Variants in FRMD5 observed in about 807,000 individuals in gnomAD.
FRMD5 encodes FERM domain containing 5, also known as FERM domain-containing protein 5.
Under a neutral mutation model 69.0 loss-of-function variants are expected in FRMD5, and 20 were observed. The observed-to-expected ratio is 0.29, with a 90% CI of 0.20 to 0.42. The LOEUF (loss-of-function observed/expected upper bound fraction) is 0.42, where lower values mean the gene tolerates loss of function less well. FRMD5 is among the 10% of genes least tolerant of loss of function. FRMD5 has a pLI of 1.00. For missense variants in FRMD5, 595 were observed against 708.6 expected (o/e 0.84, Z 1.82); for synonymous variants, 271 against 260.1 (o/e 1.04, Z -0.40).
intron 1 of FRMD5, among the ~76,000 whole-genome samples, chr15:44,089,700 G>A (rs968141184): frequency 9.2e-5 from 14 of 151,626 alleles, no homozygotes; most frequent in African/African-American, 3.2e-4. Context: ...CAGATCCTAC[G>A]TCAAAAAAAA....
intron 1 of FRMD5, among the ~76,000 whole-genome samples, chr15:44,009,916 T>C (rs1025185424): frequency 1.3e-5 from 2 of 152,226 alleles, no homozygotes; most frequent in African/African-American, 4.8e-5. Context: ...ATAAGAATTC[T>C]GCCCAGGAGT....
rs151131249 is a variant in FRMD5, at chr15:44,169,023, T to C, written c.102+25930A>G. Among the ~76,000 whole-genome samples, 599 of 152,342 alleles carry C rather than the reference T, an allele frequency of 3.9e-3. 5 individuals carry two copies. Among genetic ancestry groups the C allele is most frequent in the African/African-American group, 0.013 (560 of 41,580 alleles). The stretch of plus-strand genomic sequence containing the variant: ...GTTGCTCTATTTATTCTCTCCTGTG[T>C]TCACGTGCAATCATTGGTCACAGGC... On this transcript the variant is annotated intron_variant, in intron 1 of 13. Coordinates refer to ENST00000417257, the MANE Select transcript of FRMD5 (RefSeq NM_032892.5).
chr15:43,965,395 T>C (rs1452501792), intron 1 of FRMD5, among the ~76,000 whole-genome samples: 2 of 152,088 alleles, frequency 1.3e-5, no homozygotes, highest in Non-Finnish European at 2.9e-5. Flanking sequence ...TTACTGTATT[T>C]CTAGTTTATG....
At chr15:43,924,076 C>T (rs1449406241) in intron 2 of FRMD5, 129 bp downstream of exon 2, 5 of 740,264 alleles carry the variant, frequency 6.8e-6, no homozygotes, top group East Asian at 2.5e-5. Flanking sequence ...TCTGAAGAGA[C>T]GACATCCAAC....
intron 1 of FRMD5, among the ~76,000 whole-genome samples, chr15:44,066,608 G>C (rs781067227): frequency 3.3e-5 from 5 of 152,172 alleles, no homozygotes; most frequent in Non-Finnish European, 7.3e-5. Flanking sequence ...AACATGTTAT[G>C]AAGGGCTTTG....
intron 1 of FRMD5, among the ~76,000 whole-genome samples, chr15:44,114,188 T>A (rs1430006485): frequency 6.6e-6 from 1 of 152,172 alleles, no homozygotes; most frequent in Non-Finnish European, 1.5e-5. Context: ...ATGGAGTTTT[T>A]AGAAAGAAGG....
At chr15:44,168,243 T>C (rs902523126) in intron 1 of FRMD5, among the ~76,000 whole-genome samples, 2 of 152,180 alleles carry the variant, frequency 1.3e-5, no homozygotes, top group African/African-American at 2.4e-5. Flanking sequence ...TAAACACAAG[T>C]CTTGTGATCT....
intron 1 of FRMD5, among the ~76,000 whole-genome samples, chr15:44,057,678 AAAGG>A (rs1892928145): frequency 6.6e-6 from 1 of 152,196 alleles, no homozygotes; most frequent in East Asian, 1.9e-4. Flanking sequence ...ACAAAATCCA[AAAGG>A]AAGTAAAGAA....
In FRMD5 at chr15:43,873,568, AAAT is replaced by A. The variant is rs2088223289; in HGVS notation, c.*314_*316del. The A allele has an allele frequency of 2.1e-6, 3 of 1,403,870 alleles. No individual in the cohort carries two copies. Among genetic ancestry groups the A allele is most frequent in the East Asian group, 3.0e-5 (1 of 33,364 alleles). 87.0% of individuals were successfully genotyped at this position (1,403,870 alleles called of 1,614,324 possible). ...TAAATTATTTTTATTTGATACTTCA[AAAT>A]AATATACATCTATGAAAAATCAAAA... On this transcript the variant is annotated 3_prime_UTR_variant, in exon 14 of 14. Coordinates refer to ENST00000417257, the MANE Select transcript of FRMD5 (RefSeq NM_032892.5).
At chr15:43,990,344 A>G (rs752062727) in intron 1 of FRMD5, among the ~76,000 whole-genome samples, 1 of 152,176 alleles carries the variant, frequency 6.6e-6, no homozygotes, top group African/African-American at 2.4e-5. Flanking sequence ...GCTTTTTGCA[A>G]TAGTCTGGAA....
At chr15:44,148,564 C>A (rs1297647927) in intron 1 of FRMD5, among the ~76,000 whole-genome samples, 1 of 152,108 alleles carries the variant, frequency 6.6e-6, no homozygotes, top group African/African-American at 2.4e-5. Context: ...AGCCACCGTG[C>A]CCAACCTACA....
At chr15:44,018,949 G>A (rs1233879544) in intron 1 of FRMD5, among the ~76,000 whole-genome samples, 2 of 152,002 alleles carry the variant, frequency 1.3e-5, no homozygotes, top group Non-Finnish European at 2.9e-5. Flanking sequence ...AGGCTGGAGT[G>A]CAGTGGCTGA....
Position 43,917,400 on chromosome 15 carries a change from T to A in FRMD5, c.329+2059A>T, listed in dbSNP as rs564435389. Among the ~76,000 whole-genome samples, 283 of 151,788 alleles carry A rather than the reference T, an allele frequency of 1.9e-3. 1 individual carries two copies. Among genetic ancestry groups the A allele is most frequent in the South Asian group, 4.0e-3 (19 of 4,800 alleles). Reference sequence around the variant, plus strand: ...ATTTTAACAAAACTCTTGAAAAAAATTTTTTTTTGAGACAGAGTCTCACTG... The same window carrying A: ...ATTTTAACAAAACTCTTGAAAAAAAATTTTTTTTGAGACAGAGTCTCACTG... On this transcript the variant is annotated intron_variant, in intron 4 of 13. Transcript: ENST00000417257.
chr15:44,005,327 C>T (rs780902613), intron 1 of FRMD5, among the ~76,000 whole-genome samples: 1 of 151,834 alleles, frequency 6.6e-6, no homozygotes, highest in Non-Finnish European at 1.5e-5. Context: ...CAAAATCAGC[C>T]GGGCATGGTG....
At chr15:44,156,666 T>G (rs1453807024) in intron 1 of FRMD5, among the ~76,000 whole-genome samples, 1 of 152,194 alleles carries the variant, frequency 6.6e-6, no homozygotes, top group Non-Finnish European at 1.5e-5. Context: ...AGGCTTCTGT[T>G]GCTTATGAAC....
At chr15:43,937,579 A>G (rs1443707308) in intron 1 of FRMD5, among the ~76,000 whole-genome samples, 2 of 150,982 alleles carry the variant, frequency 1.3e-5, no homozygotes, top group Non-Finnish European at 2.9e-5. Flanking sequence ...CTGAGGTTGC[A>G]GTGAGCCAAG....
At chr15:44,081,767 C>T (rs77265666) in intron 1 of FRMD5, among the ~76,000 whole-genome samples, 2 of 151,992 alleles carry the variant, frequency 1.3e-5, no homozygotes, top group East Asian at 3.9e-4. Context: ...AAAAATCTAC[C>T]CATTTTGGCC....
At chr15:44,026,248 T>C (rs1891423549) in intron 1 of FRMD5, among the ~76,000 whole-genome samples, 1 of 152,256 alleles carries the variant, frequency 6.6e-6, no homozygotes. Context: ...CCCAAAGTGC[T>C]GGGATTGCAG....
At chr15:43,968,527 C>T (rs1278820761) in intron 1 of FRMD5, among the ~76,000 whole-genome samples, 1 of 151,906 alleles carries the variant, frequency 6.6e-6, no homozygotes, top group Non-Finnish European at 1.5e-5. Flanking sequence ...GTTCTCCTGA[C>T]TCCTATTCTG....
Sources: allele counts gnomAD v4.1 joint callset (sites outside exome capture counted in the v4.1 genomes callset), GRCh38; gene constraint gnomAD v4.1.1; transcripts MANE v1.5; gene names NCBI Gene and HGNC (gene_info 2026-07-23, HGNC 2026-07-21).